The following ANGPT4 variants were observed in gnomAD, a reference collection of about 807,000 sequenced individuals.
The protein encoded by ANGPT4 is angiopoietin 4, also known as angiopoietin-4.
Under a neutral mutation model 53.0 loss-of-function variants are expected in ANGPT4, and 50 were observed. The ratio of observed to expected loss-of-function variants is 0.94; its 90% CI spans 0.75 to 1.20. The LOEUF (loss-of-function observed/expected upper bound fraction) is 1.20. Among genes scored for constraint, ANGPT4 ranks in the 50% most tolerant of loss-of-function variants. The probability of loss-of-function intolerance (pLI) is 0.00; values close to 1 mark genes in which losing one functional copy is unlikely to be tolerated. For synonymous variants in ANGPT4, 251 were observed against 259.7 expected (o/e 0.97, Z 0.32); for missense variants, 648 against 637.1 (o/e 1.02, Z -0.18).
At chr20:891,934 A>G (rs956048563) in intron 1 of ANGPT4, among the ~76,000 whole-genome samples, 7 of 152,152 alleles carry the variant, frequency 4.6e-5, no homozygotes, top group Non-Finnish European at 8.8e-5. Context: ...CTCCTGAACC[A>G]GAAACTCTTA....
At chr20:879,899 G>T (rs1164275069) in intron 5 of ANGPT4, 51 bp from the exon 6 acceptor site, 7 of 1,468,696 alleles carry the variant, frequency 4.8e-6, no homozygotes, top group Middle Eastern at 1.9e-4. Flanking sequence ...GTAGCCAGAG[G>T]CCAGGCCTGT....
In ANGPT4 at chr20:911,243, G is replaced by T. The variant is rs960050580; in HGVS notation, c.309+4663C>A. 6.6e-6 allele frequency among the ~76,000 whole-genome samples: 1 copy of T among 152,218 alleles called. No homozygotes were observed. The highest frequency in any genetic ancestry group is 6.5e-5 in the Admixed American group (1 of 15,288). Reference sequence around the variant, plus strand: ...GGCCTCACAACTGCCAGGCCGAGGGGCCCAGTTATTCTGAGGTTTGATGTC... The same window carrying T: ...GGCCTCACAACTGCCAGGCCGAGGGTCCCAGTTATTCTGAGGTTTGATGTC... On this transcript the variant is annotated intron_variant, in intron 1 of 8. Coordinates refer to ENST00000381922, the MANE Select transcript of ANGPT4 (RefSeq NM_015985.4). This position sits in a 1 kb window ranked among gnomAD's most constrained non-coding sequence, Gnocchi z 4.9.
rs557880338 is a variant in ANGPT4, at chr20:879,770, G to A, written c.1030C>T (p.Arg344Trp). Residue 344 changes from arginine to tryptophan, a missense_variant, in exon 6 of 9, where the codon CGG becomes TGG. Arg to Trp is a moderately radical substitution (Grantham distance 101). Coordinates refer to ENST00000381922, the MANE Select transcript of ANGPT4 (RefSeq NM_015985.4). ...ACCTGTTTGTAATCCTTCCAGTTCC[G>A]CTGAAAATTCACGGTGCCATTCTCA... is the stretch of plus-strand genomic sequence containing the variant. ...RRENGTVNFQ[R>W]NWKDYKQGFG... 4.3e-6 allele frequency: 7 copies of A among 1,613,360 alleles called. No homozygotes were observed. Among genetic ancestry groups the A allele is most frequent in the Middle Eastern group, 1.6e-4 (1 of 6,062 alleles).
chr20:884,983 T>C, intron 4 of ANGPT4, 95 bp downstream of exon 4: 3 of 1,533,164 alleles, frequency 2.0e-6, no homozygotes, highest in Non-Finnish European at 2.6e-6. Flanking sequence ...CCGCAATGGC[T>C]CCCAGGCGCC....
At chr20:893,966 C>A (rs577072795) in intron 1 of ANGPT4, among the ~76,000 whole-genome samples, 1 of 152,134 alleles carries the variant, frequency 6.6e-6, no homozygotes, top group East Asian at 1.9e-4. Context: ...CCTCTGTCAG[C>A]TCCCAGGAGA....
intron 7 of ANGPT4, among the ~76,000 whole-genome samples, chr20:876,891 A>G (rs1269305736): frequency 6.6e-6 from 1 of 151,690 alleles, no homozygotes; most frequent in Non-Finnish European, 1.5e-5. Context: ...TATAAAAAAT[A>G]CAAAAATCAG....
intron 1 of ANGPT4, among the ~76,000 whole-genome samples, 164 bp from the exon 2 acceptor site, chr20:890,532 C>T (rs912234727): frequency 6.6e-6 from 1 of 152,184 alleles, no homozygotes; most frequent in South Asian, 2.1e-4. Flanking sequence ...TGGACTATCC[C>T]AGTAGATTTT....
Position 874,359 on chromosome 20 carries a change from G to C in ANGPT4, c.1276C>G (p.Gln426Glu), listed in dbSNP as rs1245979612. The change falls in exon 8 of 9, where the codon CAG becomes GAG. Residue 426 changes from glutamine (Q) to glutamate (E), a missense_variant. Physicochemically the swap from Gln to Glu is conservative, Grantham distance 29. Coordinates refer to ENST00000381922, the MANE Select transcript of ANGPT4 (RefSeq NM_015985.4). ...SAGRQSSLVLQNTSFSTLDSD... is the reference protein window; with the variant it reads ...SAGRQSSLVLENTSFSTLDSD... ...TCAAGGGTGCTAAAGCTGGTGTTCT[G>C]CAGGACCAGGCTGCTCTGGCGCCCT... is the stretch of plus-strand genomic sequence containing the variant. 2.5e-6 allele frequency: 4 copies of C among 1,614,164 alleles called. No homozygotes were observed. Among genetic ancestry groups the C allele is most frequent in the Non-Finnish European group, 2.5e-6 (3 of 1,180,040 alleles).
intron 7 of ANGPT4, among the ~76,000 whole-genome samples, chr20:877,924 C>T (rs914000338): frequency 1.4e-4 from 21 of 152,340 alleles, no homozygotes; most frequent in African/African-American, 4.6e-4. Flanking sequence ...TCTTGCTCCT[C>T]GGATGGCAGC....
chr20:909,382 C>T (rs547692804), intron 1 of ANGPT4, among the ~76,000 whole-genome samples: 34 of 152,202 alleles, frequency 2.2e-4, no homozygotes, highest in South Asian at 1.5e-3. Context: ...CAAACCCAGG[C>T]GATGTGTGTA....
intron 2 of ANGPT4, among the ~76,000 whole-genome samples, chr20:889,098 C>T (rs1308718998): frequency 1.8e-4 from 28 of 152,326 alleles, no homozygotes; most frequent in Non-Finnish European, 4.4e-5. Flanking sequence ...GGAGCACTCT[C>T]TGCAGTAAGC....
At chr20:875,521 G>C (rs796942894) in intron 7 of ANGPT4, among the ~76,000 whole-genome samples, 64 of 152,336 alleles carry the variant, frequency 4.2e-4, no homozygotes, top group African/African-American at 1.5e-3. Flanking sequence ...TCAAATTCCA[G>C]CTCTACCACT....
intron 4 of ANGPT4, 54 bp downstream of exon 4, chr20:885,024 C>T: frequency 6.2e-7 from 1 of 1,606,554 alleles, no homozygotes; most frequent in Non-Finnish European, 8.5e-7. Flanking sequence ...CAGGGTCTCC[C>T]CTCCCCTCTC....
At chr20:888,297 G>T in intron 3 of ANGPT4, 21 bp downstream of exon 3, 2 of 1,608,688 alleles carry the variant, frequency 1.2e-6, no homozygotes, top group South Asian at 2.2e-5. Flanking sequence ...GTCCTAGTCT[G>T]GTGCCAGGTG....
intron 4 of ANGPT4, among the ~76,000 whole-genome samples, chr20:881,576 G>A (rs1345881734): frequency 1.3e-5 from 2 of 152,186 alleles, no homozygotes; most frequent in Non-Finnish European, 2.9e-5. Flanking sequence ...GACAGGGCAT[G>A]GGGAGGGGAA....
chr20:897,700 G>T (rs553809269), intron 1 of ANGPT4, among the ~76,000 whole-genome samples: 2 of 152,120 alleles, frequency 1.3e-5, no homozygotes, highest in African/African-American at 4.8e-5. Flanking sequence ...CCATATTACA[G>T]CCCAGGGCTG....
intron 3 of ANGPT4, 58 bp downstream of exon 3, chr20:888,260 C>T: frequency 6.4e-7 from 1 of 1,572,208 alleles, no homozygotes; most frequent in South Asian, 1.2e-5. Context: ...GCCCTAGGTC[C>T]TAAACTTGAC....
chr20:885,406 T>A (rs1981583401), intron 3 of ANGPT4, 81 bp from the exon 4 acceptor site: 1 of 1,435,250 alleles, frequency 7.0e-7, no homozygotes, highest in Admixed American at 2.8e-5. Flanking sequence ...GGCCCTGGAG[T>A]CCCTGCAGCC....
intron 1 of ANGPT4, among the ~76,000 whole-genome samples, chr20:898,991 C>T (rs1982167523): frequency 6.6e-6 from 1 of 152,202 alleles, no homozygotes; most frequent in Admixed American, 6.5e-5. Context: ...TGACTCCTTC[C>T]CAGATCTTCT....
Sources: allele counts gnomAD v4.1 joint callset (sites outside exome capture counted in the v4.1 genomes callset), GRCh38; gene constraint gnomAD v4.1.1; non-coding constraint Gnocchi (gnomAD v3.1); transcripts MANE v1.5; gene names NCBI Gene and HGNC (gene_info 2026-07-23, HGNC 2026-07-21).